The following MRPL28 variants were observed in gnomAD, a reference collection of about 807,000 sequenced individuals.
MRPL28 encodes the protein mitochondrial ribosomal protein L28.
Under a neutral mutation model 26.2 loss-of-function variants are expected in MRPL28, and 25 were observed. The observed-to-expected ratio is 0.95, with a 90% CI of 0.69 to 1.33. MRPL28 has a LOEUF of 1.33. MRPL28 is among the 40% of genes most tolerant of loss of function. MRPL28 has a pLI of 0.00. For missense variants in MRPL28, 432 were observed against 327.2 expected (o/e 1.32, Z -2.47); for synonymous variants, 227 against 140.1 (o/e 1.62, Z -4.38).
rs1321221216 is a variant in MRPL28 at position 370,123 on chromosome 16, C to T, written c.96G>A (p.Leu32=). The T allele has an allele frequency of 6.2e-7, 1 of 1,607,888 alleles. No individual in the cohort carries two copies. Among genetic ancestry groups the T allele is most frequent in the Non-Finnish European group, 8.5e-7 (1 of 1,177,974 alleles). ...CGGGAGTGGGCGTCCGCTCCTCCTCCAGGGAGCGCAGGTAGTGGCCGGGCA... is the reference window on the plus strand; with the variant it reads ...CGGGAGTGGGCGTCCGCTCCTCCTCTAGGGAGCGCAGGTAGTGGCCGGGCA... ...SRLPGHYLRS[L]EEERTPTPVH... The change falls in exon 2 of 6, where the codon CTG becomes CTA. Residue 32 remains leucine (L), a synonymous_variant. Coordinates refer to ENST00000199706, the MANE Select transcript of MRPL28 (RefSeq NM_006428.5).
Position 368,317 on chromosome 16 carries a change from C to G in MRPL28, c.663+11G>C. 1 of 1,612,954 alleles carries G rather than the reference C, an allele frequency of 6.2e-7. No homozygotes were observed. Among genetic ancestry groups the G allele is most frequent in the South Asian group, 1.1e-5 (1 of 91,052 alleles). ...TGGGCAGGCAGCATCGGCTGGTGCT[C>G]ACACACTCACCTTCTCCTCCAAAAG... On this transcript the variant is annotated intron_variant, in intron 5 of 5. Coordinates refer to ENST00000199706, the MANE Select transcript of MRPL28 (RefSeq NM_006428.5).
intron 3 of MRPL28, 174 bp downstream of exon 3, chr16:368,894 G>T: frequency 9.7e-7 from 1 of 1,029,268 alleles, no homozygotes; most frequent in Non-Finnish European, 1.4e-6. Flanking sequence ...TCTCCTGAAG[G>T]CAGGAAACCC....
rs751404454 is a variant in MRPL28 at position 369,673 on chromosome 16, A to T, written c.288+258T>A. On this transcript the variant is annotated intron_variant, in intron 2 of 5. Coordinates refer to ENST00000199706, the MANE Select transcript of MRPL28 (RefSeq NM_006428.5). ...TGCTCATCACACAGGCCTCCTCCCCATCCTAACTTTACCCCGACTCCCCAC... is the reference window on the plus strand; with the variant it reads ...TGCTCATCACACAGGCCTCCTCCCCTTCCTAACTTTACCCCGACTCCCCAC... 2.0e-5 allele frequency: 14 copies of T among 688,230 alleles called. No individual in the cohort carries two copies. The South Asian group carries it at 2.1e-4, about 10-fold the overall frequency. 42.6% of individuals were successfully genotyped at this position (688,230 alleles called of 1,614,324 possible). A position where few individuals can be genotyped will look rare whatever the true frequency, so the allele number is the denominator to read the frequency against.
intron 1 of MRPL28, 43 bp from the exon 2 acceptor site, chr16:370,268 G>GGCCCCCGGCACTCACCCCC: frequency 6.8e-7 from 1 of 1,475,924 alleles, no homozygotes. Context: ...AGCCTGGCCA[G>GGCCCCCGGCACTCACCCCC]GCCCCCGGCA....
chr16:368,417 A>G lies in MRPL28; in HGVS notation c.577-3T>C, dbSNP rs1261530080. 9 of 1,613,632 alleles carry G rather than the reference A, an allele frequency of 5.6e-6. No individual in the cohort carries two copies. The South Asian group carries it at 9.9e-5, about 18-fold the overall frequency. ...TCCTCCTCTGGGATGGCAAATTCCT[A>G]GGCAGGCAGAGATGGAAAGGGCAGT... On this transcript the variant is annotated splice_polypyrimidine_tract_variant and splice_region_variant and intron_variant, in intron 4 of 5. Transcript: ENST00000199706.
rs2054305052 is a variant in MRPL28 at position 369,945 on chromosome 16, C to T, written c.274G>A (p.Ala92Thr). 6.2e-7 allele frequency: 1 copy of T among 1,610,576 alleles called. No individual in the cohort carries two copies. Residue 92 changes from alanine to threonine, a missense_variant, in exon 2 of 6, where the codon GCC becomes ACC. Transcript: ENST00000199706. ...TGCGGACCCACCTTGTCGTTGTTGG[C>T]ATATATTTGGCCCAGGATCCAGCCC... ...GEGWILGQIY[A>T]NNDKLSKRLK... is the part of the protein sequence containing the mutation.
intron 1 of MRPL28, 50 bp from the exon 2 acceptor site, chr16:370,275 G>T: frequency 6.8e-7 from 1 of 1,473,148 alleles, no homozygotes; most frequent in Non-Finnish European, 9.0e-7. Flanking sequence ...CCAGGCCCCC[G>T]GCACTCACCC....
intron 5 of MRPL28, among the ~76,000 whole-genome samples, 161 bp downstream of exon 5, chr16:368,167 C>T (rs768286119): frequency 2.0e-5 from 3 of 152,154 alleles, no homozygotes; most frequent in Non-Finnish European, 4.4e-5. Context: ...GGGGAGGGAG[C>T]GGGCCATGCT....
At chr16:369,529 C>T in intron 2 of MRPL28, 1 of 608,362 alleles carries the variant, frequency 1.6e-6, no homozygotes, top group Non-Finnish European at 3.1e-6. Flanking sequence ...ACATTCCAAC[C>T]TGGAGGTGAC....
chr16:370,505 G>A lies in MRPL28; in HGVS notation c.-14C>T, dbSNP rs2054319332. ...CCCACCTGCCCGCGCCCACCTTTCA[G>A]GGTTCAGAGCCCACCGGAACCGGAA... On this transcript the variant is annotated 5_prime_UTR_variant, in exon 1 of 6. Transcript: ENST00000199706. The A allele has an allele frequency of 1.1e-6, 1 of 915,060 alleles. No individual in the cohort carries two copies. Among genetic ancestry groups the A allele is most frequent in the Non-Finnish European group, 1.2e-6 (1 of 805,364 alleles). 56.7% of individuals were successfully genotyped at this position (915,060 alleles called of 1,614,324 possible).
intron 5 of MRPL28, 30 bp from the exon 6 acceptor site, chr16:367,812 C>T (rs2054274267): frequency 6.3e-7 from 1 of 1,584,016 alleles, no homozygotes; most frequent in Non-Finnish European, 8.7e-7. Context: ...ATGGTGAGGC[C>T]AGGGAAGCCC....
intron 3 of MRPL28, 101 bp downstream of exon 3, chr16:368,967 A>G: frequency 7.1e-7 from 1 of 1,400,364 alleles, no homozygotes; most frequent in Non-Finnish European, 9.8e-7. Flanking sequence ...CCTCCTGTGC[A>G]GATGTCAGCG....
intron 3 of MRPL28, 36 bp downstream of exon 3, chr16:369,032 G>A: frequency 1.9e-6 from 3 of 1,605,020 alleles, no homozygotes; most frequent in Non-Finnish European, 2.6e-6. Context: ...GCCCATCCCA[G>A]ACCCTGTGTG....
intron 1 of MRPL28, 118 bp from the exon 2 acceptor site, chr16:370,343 C>T: frequency 7.5e-7 from 1 of 1,341,424 alleles, no homozygotes; most frequent in Non-Finnish European, 9.8e-7. Flanking sequence ...CACCCGCTAC[C>T]CCGGCCCCCG....
Position 368,938 on chromosome 16 carries a change from C to T in MRPL28, c.441+130G>A, listed in dbSNP as rs76281214. 22,775 of 1,229,826 alleles carry T rather than the reference C, an allele frequency of 0.019. 1,889 individuals carry two copies. The African/African-American group carries it at 0.23, about 12-fold the overall frequency. 76.2% of individuals were successfully genotyped at this position (1,229,826 alleles called of 1,614,324 possible). A position where few individuals can be genotyped will look rare whatever the true frequency, so the allele number is the denominator to read the frequency against. On this transcript the variant is annotated intron_variant, in intron 3 of 5. Coordinates refer to ENST00000199706, the MANE Select transcript of MRPL28 (RefSeq NM_006428.5). ...CTGGCCAGAAAGGGGCATGGCCCCACTCACGCTTTCCCAGTGACCCTCCTG... is the reference window on the plus strand; with the variant it reads ...CTGGCCAGAAAGGGGCATGGCCCCATTCACGCTTTCCCAGTGACCCTCCTG...
At position 369,170 on chromosome 16, in the gene MRPL28, C is replaced by T. The variant is rs372095955; in HGVS notation, c.339G>A (p.Glu113=). 13 of 1,613,954 alleles carry T rather than the reference C, an allele frequency of 8.1e-6. No homozygotes were observed. In the African/African-American group the frequency reaches 1.6e-4, roughly 20 times the overall value. Residue 113 remains glutamate (E), a synonymous_variant, in exon 3 of 6, where the codon GAG becomes GAA. Transcript: ENST00000199706. ...KVWKPQLFER[E]FYSEILDKKF... is the part of the protein sequence containing the mutation. ...TCTTGTCCAGGATCTCACTGTAGAA[C>T]TCTCGCTCAAACAGCTGTGGCTTCC...
chr16:369,400 G>A (rs1048575635), intron 2 of MRPL28, 180 bp from the exon 3 acceptor site: 2 of 727,588 alleles, frequency 2.7e-6, no homozygotes, highest in Non-Finnish European at 4.5e-6. Context: ...CCCGACCCGG[G>A]TCCTGACTGT....
At position 367,788 on chromosome 16, in the gene MRPL28, G is replaced by A. The variant is rs759534954; in HGVS notation, c.664-6C>T. On this transcript the variant is annotated splice_polypyrimidine_tract_variant and splice_region_variant and intron_variant, in intron 5 of 5. Coordinates refer to ENST00000199706, the MANE Select transcript of MRPL28 (RefSeq NM_006428.5). ...TTGAACAGGGGTACAGGGTCCTGAA[G>A]GAGAGAGGGGCTCATGGTGAGGCCA... The A allele has an allele frequency of 3.1e-6, 5 of 1,612,108 alleles. No homozygotes were observed. Among genetic ancestry groups the A allele is most frequent in the South Asian group, 2.2e-5 (2 of 91,036 alleles).
rs558468850 is a variant in MRPL28 at position 369,353 on chromosome 16, G to A, written c.289-133C>T. The A allele has an allele frequency of 3.8e-5, 46 of 1,212,578 alleles. No homozygotes were observed. In the South Asian group the frequency reaches 5.9e-4, roughly 16 times the overall value. The allele number at this position is 1,212,578 out of a possible 1,614,324, so 75.1% of individuals were successfully genotyped here. ...ACTGCTGTCAGACTGGGGACCTAGAGCTAACTGGGCCGGCCCCCAGCCCAG... is the reference window on the plus strand; with the variant it reads ...ACTGCTGTCAGACTGGGGACCTAGAACTAACTGGGCCGGCCCCCAGCCCAG... On this transcript the variant is annotated intron_variant, in intron 2 of 5. Transcript: ENST00000199706.
Sources: gnomAD v4.1 joint callset for allele counts (sites outside exome capture counted in the v4.1 genomes callset) on GRCh38, gnomAD v4.1.1 for gene constraint, MANE v1.5 for transcripts, NCBI Gene and HGNC (gene_info 2026-07-23, HGNC 2026-07-21) for gene names.